The following TOMM20 variants were observed in gnomAD, a reference collection of about 807,000 sequenced individuals.
TOMM20 encodes mitochondrial import receptor subunit TOM20 homolog.
A neutral mutation model predicts 22.1 loss-of-function variants in TOMM20; 10 were observed. That is an observed-to-expected ratio of 0.45 (90% CI 0.28 to 0.77). The LOEUF is 0.77. Ranked by LOEUF, TOMM20 falls within the 30% of genes least tolerant of loss-of-function variation. The probability of loss-of-function intolerance (pLI) is 0.13; values close to 1 mark genes in which losing one functional copy is unlikely to be tolerated. For synonymous variants in TOMM20, 55 were observed against 61.4 expected, an observed-to-expected ratio of 0.90 and a Z score of 0.49; for missense variants, 121 against 172.2, an observed-to-expected ratio of 0.70 and a Z score of 1.66.
chr1:235,116,377 A>G (rs1203798276), intron 3 of TOMM20, among the ~76,000 whole-genome samples: 2 of 151,962 alleles, frequency 1.3e-5, no homozygotes, highest in African/African-American at 4.8e-5. Context: ...GGTCTCTACT[A>G]AAAATACAAA....
chr1:235,119,748 C>T, intron 3 of TOMM20, 70 bp downstream of exon 3: 3 of 1,064,464 alleles, frequency 2.8e-6, no homozygotes, highest in Non-Finnish European at 2.8e-6. Flanking sequence ...AAACAAAGCC[C>T]CTTATCATTA....
intron 1 of TOMM20, among the ~76,000 whole-genome samples, chr1:235,125,301 G>A (rs1167181095): frequency 6.6e-6 from 1 of 152,100 alleles, no homozygotes; most frequent in Non-Finnish European, 1.5e-5. Flanking sequence ...TGTAAGCTCC[G>A]CCTCCCGAGT....
chr1:235,123,193 A>C (rs1660955886), intron 1 of TOMM20, among the ~76,000 whole-genome samples: 1 of 152,202 alleles, frequency 6.6e-6, no homozygotes, highest in Non-Finnish European at 1.5e-5. Context: ...ATGCATGACT[A>C]AAGAGGTCTG....
chr1:235,122,997 AGTTAAGAAAATGTAAGGCT>A (rs1660952439), intron 1 of TOMM20, among the ~76,000 whole-genome samples: 2 of 152,214 alleles, frequency 1.3e-5, no homozygotes, highest in Non-Finnish European at 2.9e-5. Context: ...CTGCTGACAT[AGTTAAGAAAATGTAAGGCT>A]CCAATACTTA....
intron 1 of TOMM20, among the ~76,000 whole-genome samples, chr1:235,125,916 A>ATTT: frequency 7.0e-6 from 1 of 141,912 alleles, no homozygotes; most frequent in African/African-American, 2.6e-5. Context: ...CGCCCAGCTA[A>ATTT]TTTTTTTTTT....
chr1:235,128,628 T>C lies in TOMM20; in HGVS notation c.88A>G (p.Ser30Gly), dbSNP rs1320996798. 1 of 1,613,498 alleles carries C rather than the reference T, an allele frequency of 6.2e-7. No homozygotes were observed. ...AGCCTGTTCTTGAAGTTGGGGTCAC[T>C]TCGTCTTTTGCGGTCGAAGTAGATG... Reference protein sequence around the residue: ...YCIYFDRKRRSDPNFKNRLRE... With the variant: ...YCIYFDRKRRGDPNFKNRLRE... The change falls in exon 1 of 5, where the codon AGT becomes GGT. Residue 30 changes from serine to glycine, a missense_variant. Transcript: ENST00000366607.
Position 235,110,886 on chromosome 1 carries a change from AAT to A in TOMM20, c.*1176_*1177del, listed in dbSNP as rs1458413825. ...CAGTTCTGAAACTGTGACTACGGAG[AAT>A]ATGTCACTATTTGAGAATAAGAGGT... is the stretch of plus-strand genomic sequence containing the variant. On this transcript the variant is annotated 3_prime_UTR_variant, in exon 5 of 5. Transcript: ENST00000366607. 1.3e-5 allele frequency: 2 copies of A among 152,208 alleles called. No individual in the cohort carries two copies. The highest frequency in any genetic ancestry group is 2.9e-5 in the Non-Finnish European group (2 of 68,038). The allele number at this position is 152,208 out of a possible 1,614,324, so 9.4% of individuals were successfully genotyped here. A position where few individuals can be genotyped will look rare whatever the true frequency, so the allele number is the denominator to read the frequency against.
intron 1 of TOMM20, among the ~76,000 whole-genome samples, chr1:235,124,712 G>A (rs971036605): frequency 1.5e-4 from 23 of 152,148 alleles, no homozygotes; most frequent in African/African-American, 5.3e-4. Flanking sequence ...GATTGCCACT[G>A]AATACATTTA....
chr1:235,115,996 T>C (rs749725154), intron 3 of TOMM20, among the ~76,000 whole-genome samples: 1 of 152,234 alleles, frequency 6.6e-6, no homozygotes, highest in Non-Finnish European at 1.5e-5. Context: ...AATACCCTTG[T>C]TACTATTATT....
At chr1:235,128,531 C>A (rs1661075284) in intron 1 of TOMM20, 64 bp downstream of exon 1, 3 of 1,608,446 alleles carry the variant, frequency 1.9e-6, no homozygotes, top group Non-Finnish European at 2.5e-6. Context: ...AGGCAATGAC[C>A]CCTCCTGTGA....
intron 3 of TOMM20, 129 bp from the exon 4 acceptor site, chr1:235,114,039 T>C (rs1436383294): frequency 2.1e-6 from 2 of 946,544 alleles, no homozygotes; most frequent in East Asian, 2.6e-5. Context: ...AAATGACCTA[T>C]AATGCATTCA....
chr1:235,120,060 T>C (rs528433876), intron 2 of TOMM20, among the ~76,000 whole-genome samples, 161 bp from the exon 3 acceptor site: 27 of 152,294 alleles, frequency 1.8e-4, no homozygotes, highest in African/African-American at 6.3e-4. Context: ...AATTAAGAGT[T>C]CATCTACATT....
chr1:235,115,730 T>C (rs67591698), intron 3 of TOMM20, among the ~76,000 whole-genome samples: 26,696 of 152,254 alleles, frequency 0.18, 2,626 homozygotes, highest in Middle Eastern at 0.27. Context: ...TTACTGCCTT[T>C]GCTCCAAACT....
At chr1:235,119,022 C>G (rs1047457731) in intron 3 of TOMM20, among the ~76,000 whole-genome samples, 1 of 152,224 alleles carries the variant, frequency 6.6e-6, no homozygotes, top group Non-Finnish European at 1.5e-5. Context: ...AACTCATTCA[C>G]ACACAAATGC....
chr1:235,122,330 GA>G lies in TOMM20; in HGVS notation c.163del (p.Ser55ProfsTer27). ...QKLAKERAGL[S>X]KLPDLKDAEA... ...AAACAGAAACCAGACTATTACCTTG[GA>G]AAGCCCAGCTCTCTCCTTGGCAAGC... On this transcript the variant is annotated frameshift_variant, in exon 2 of 5. Transcript: ENST00000366607. LOFTEE classifies it high-confidence loss of function. The G allele has an allele frequency of 6.5e-7, 1 of 1,537,526 alleles. No individual in the cohort carries two copies. The highest frequency in any genetic ancestry group is 1.3e-5 in the South Asian group (1 of 74,228).
chr1:235,125,318 C>T (rs1453659180), intron 1 of TOMM20, among the ~76,000 whole-genome samples: 2 of 152,136 alleles, frequency 1.3e-5, no homozygotes, highest in African/African-American at 2.4e-5. Context: ...GAGTTCACGC[C>T]ATTCTCCTGC....
intron 3 of TOMM20, among the ~76,000 whole-genome samples, chr1:235,119,016 C>A (rs1483494818): frequency 1.3e-5 from 2 of 152,210 alleles, no homozygotes; most frequent in Non-Finnish European, 2.9e-5. Context: ...AAAACAAACT[C>A]ATTCACACAC....
chr1:235,126,861 T>C (rs928621847), intron 1 of TOMM20, among the ~76,000 whole-genome samples: 1 of 152,144 alleles, frequency 6.6e-6, no homozygotes, highest in African/African-American at 2.4e-5. Flanking sequence ...GGAACAGGAC[T>C]AAAACTCTAC....
chr1:235,120,346 C>A (rs1268764995), intron 2 of TOMM20, among the ~76,000 whole-genome samples: 1 of 152,112 alleles, frequency 6.6e-6, no homozygotes, highest in African/African-American at 2.4e-5. Context: ...AATCCCAGCT[C>A]ACTGCAACTC....
Sources: allele counts gnomAD v4.1 joint callset (sites outside exome capture counted in the v4.1 genomes callset), GRCh38; gene constraint gnomAD v4.1.1; transcripts MANE v1.5; gene names NCBI Gene and HGNC (gene_info 2026-07-23, HGNC 2026-07-21).